PXDNL: variants seen among roughly 807,000 people sequenced by gnomAD.
PXDNL encodes the protein probable oxidoreductase PXDNL.
In PXDNL, 145 loss-of-function variants were observed where a neutral mutation model predicts 150.8. The observed-to-expected ratio is 0.96, with a 90% CI of 0.84 to 1.10. The LOEUF (loss-of-function observed/expected upper bound fraction) is 1.10, where lower values mean the gene tolerates loss of function less well. Among genes scored for constraint, PXDNL ranks in the 50% least tolerant of loss-of-function variants. The pLI is 0.00. For missense variants in PXDNL, 2,087 were observed against 1,873.9 expected (o/e 1.11, Z -2.10); for synonymous variants, 757 against 725.7 (o/e 1.04, Z -0.69).
intron 21 of PXDNL, among the ~76,000 whole-genome samples, chr8:51,334,699 A>G (rs1207008440): frequency 6.6e-6 from 1 of 152,206 alleles, no homozygotes; most frequent in Non-Finnish European, 1.5e-5. Flanking sequence ...ACCTATACAC[A>G]TATAAAGTAG....
chr8:51,555,289 C>A (rs1441227574), intron 4 of PXDNL, among the ~76,000 whole-genome samples: 1 of 152,082 alleles, frequency 6.6e-6, no homozygotes, highest in African/African-American at 2.4e-5. Context: ...GAGCTTGCTC[C>A]CACAATAAGA....
At chr8:51,808,060 A>G (rs965178619) in intron 1 of PXDNL, among the ~76,000 whole-genome samples, 13 of 152,252 alleles carry the variant, frequency 8.5e-5, no homozygotes, top group African/African-American at 2.9e-4. Flanking sequence ...ATGAAAATCT[A>G]TGGATAATAT....
chr8:51,631,031 A>G (rs1220926980), intron 2 of PXDNL, among the ~76,000 whole-genome samples: 2 of 152,178 alleles, frequency 1.3e-5, no homozygotes, highest in Admixed American at 1.3e-4. Context: ...GAATCAACTT[A>G]AAAGGCCATC....
In PXDNL at chr8:51,793,648, G is replaced by T. The variant is rs557876761; in HGVS notation, c.164+15533C>A. On this transcript the variant is annotated intron_variant, in intron 1 of 22. Coordinates refer to ENST00000356297, the MANE Select transcript of PXDNL (RefSeq NM_144651.5). ...TCACGCCTGTAATCCCAGCACTTTGGGAGGCCAAGGTGGTCAGATCACTAG... is the reference window on the plus strand; with the variant it reads ...TCACGCCTGTAATCCCAGCACTTTGTGAGGCCAAGGTGGTCAGATCACTAG... Among the ~76,000 whole-genome samples, 4 of 152,276 alleles carry T rather than the reference G, an allele frequency of 2.6e-5. No homozygotes were observed. The South Asian group carries it at 8.3e-4, about 32-fold the overall frequency.
chr8:51,341,280 A>G (rs1006067860), intron 20 of PXDNL, among the ~76,000 whole-genome samples: 1 of 152,238 alleles, frequency 6.6e-6, no homozygotes, highest in African/African-American at 2.4e-5. Flanking sequence ...TTACTGATGT[A>G]CAACTGATAC....
At chr8:51,461,391 C>A (rs1810079957) in intron 8 of PXDNL, among the ~76,000 whole-genome samples, 1 of 152,234 alleles carries the variant, frequency 6.6e-6, no homozygotes, top group Non-Finnish European at 1.5e-5. Flanking sequence ...ACCTGACAGC[C>A]CAGCGATCTG....
In PXDNL at chr8:51,426,594, G is replaced by A. The variant is rs139019884; in HGVS notation, c.1638+52C>T. ...ATCATTACCTCCATTTCAGTGGGTC[G>A]ATACATCTGTCAGTGTTTTTAATAT... On this transcript the variant is annotated intron_variant, in intron 13 of 22. Coordinates refer to ENST00000356297, the MANE Select transcript of PXDNL (RefSeq NM_144651.5). 5.7e-4 allele frequency: 585 copies of A among 1,021,892 alleles called. 3 individuals carry two copies. The African/African-American group carries it at 8.3e-3, about 15-fold the overall frequency. The allele number at this position is 1,021,892 out of a possible 1,614,324, so 63.3% of individuals were successfully genotyped here. A position where few individuals can be genotyped will look rare whatever the true frequency, so the allele number is the denominator to read the frequency against.
At chr8:51,544,004 C>G (rs56731862) in intron 4 of PXDNL, among the ~76,000 whole-genome samples, 2,833 of 152,228 alleles carry the variant, frequency 0.019, 37 homozygotes, top group African/African-American at 0.034. Flanking sequence ...ACAGTGCTTT[C>G]TAAGAACATA....
intron 1 of PXDNL, among the ~76,000 whole-genome samples, chr8:51,724,111 C>T (rs1474910677): frequency 6.6e-6 from 1 of 152,022 alleles, no homozygotes; most frequent in East Asian, 1.9e-4. Context: ...AGAGCAGTGA[C>T]CCATCTAAGA....
At chr8:51,753,729 A>C (rs1438103874) in intron 1 of PXDNL, among the ~76,000 whole-genome samples, 1 of 152,256 alleles carries the variant, frequency 6.6e-6, no homozygotes, top group Non-Finnish European at 1.5e-5. Flanking sequence ...CATAACGGGA[A>C]ATAAACCTTG....
intron 1 of PXDNL, among the ~76,000 whole-genome samples, chr8:51,674,909 G>C (rs1486001824): frequency 6.6e-6 from 1 of 152,164 alleles, no homozygotes; most frequent in African/African-American, 2.4e-5. Context: ...CCCTTTGTTA[G>C]ATGTGGACAA....
At chr8:51,411,700 G>C (rs1808656830) in intron 15 of PXDNL, among the ~76,000 whole-genome samples, 1 of 152,122 alleles carries the variant, frequency 6.6e-6, no homozygotes, top group African/African-American at 2.4e-5. Context: ...AACTGGGGGG[G>C]TCGGTTGATG....
At chr8:51,639,949 C>T (rs1348239627) in intron 2 of PXDNL, among the ~76,000 whole-genome samples, 1 of 152,020 alleles carries the variant, frequency 6.6e-6, no homozygotes, top group African/African-American at 2.4e-5. Flanking sequence ...ACGCAAAAAT[C>T]CTCAATAAAA....
At chr8:51,542,713 G>A (rs1274932607) in intron 4 of PXDNL, among the ~76,000 whole-genome samples, 1 of 151,892 alleles carries the variant, frequency 6.6e-6, no homozygotes, top group Non-Finnish European at 1.5e-5. Flanking sequence ...AGGAGGCTGA[G>A]GCAGGAGAAT....
intron 22 of PXDNL, among the ~76,000 whole-genome samples, chr8:51,320,442 C>T (rs1292264740): frequency 6.6e-6 from 1 of 152,164 alleles, no homozygotes; most frequent in African/African-American, 2.4e-5. Flanking sequence ...CTTTAGGCAG[C>T]ATTTATAATG....
intron 4 of PXDNL, among the ~76,000 whole-genome samples, chr8:51,516,647 T>C (rs1398201518): frequency 6.6e-6 from 1 of 152,196 alleles, no homozygotes; most frequent in Non-Finnish European, 1.5e-5. Flanking sequence ...TCTGCCAGAA[T>C]GAGATGAGAC....
intron 1 of PXDNL, among the ~76,000 whole-genome samples, chr8:51,685,885 G>C (rs1380269913): frequency 6.6e-6 from 1 of 152,064 alleles, no homozygotes; most frequent in Non-Finnish European, 1.5e-5. Flanking sequence ...CATTTTTAAA[G>C]GTGTACCCAC....
At chr8:51,568,686 T>A (rs1378114261) in intron 3 of PXDNL, among the ~76,000 whole-genome samples, 3 of 151,896 alleles carry the variant, frequency 2.0e-5, no homozygotes, top group Non-Finnish European at 4.4e-5. Context: ...TTCAAATGTT[T>A]TTTCTTCTCC....
chr8:51,535,193 G>A (rs370590469), intron 4 of PXDNL, among the ~76,000 whole-genome samples: 3 of 138,386 alleles, frequency 2.2e-5, no homozygotes, highest in Non-Finnish European at 4.5e-5. Flanking sequence ...CTCTCTGCCC[G>A]GCCAGGACCC....
Sources: allele counts gnomAD v4.1 joint callset (sites outside exome capture counted in the v4.1 genomes callset), GRCh38; gene constraint gnomAD v4.1.1; transcripts MANE v1.5; gene names NCBI Gene and HGNC (gene_info 2026-07-23, HGNC 2026-07-21).